Variants in RBM28 observed in about 807,000 individuals in gnomAD.
The protein encoded by RBM28 is RNA binding motif protein 28, also known as RNA-binding protein 28.
Under a neutral mutation model 98.3 loss-of-function variants are expected in RBM28, and 78 were observed. That is an observed-to-expected ratio of 0.79 (90% confidence interval 0.66 to 0.96). The LOEUF (loss-of-function observed/expected upper bound fraction) is 0.96, where lower values mean the gene tolerates loss of function less well. RBM28 is among the 40% of genes least tolerant of loss of function. The pLI is 0.00. For synonymous variants in RBM28, 306 were observed against 330.9 expected, an observed-to-expected ratio of 0.92 and a Z score of 0.82; for missense variants, 838 against 913.0, an observed-to-expected ratio of 0.92 and a Z score of 1.06.
At position 128,306,019 on chromosome 7, in the gene RBM28, A is replaced by G. The variant is rs6952533; in HGVS notation, c.*4778T>C. ...CTAAGCATTGCCATGTACCAGGCCC[A>G]GGGGCTGGGACTATGGGAGCTAGTT... On this transcript the variant is annotated 3_prime_UTR_variant, in exon 19 of 19. Transcript: ENST00000223073. The G allele has an allele frequency of 0.11, 17,010 of 152,272 alleles. 1,523 individuals are homozygous for G. The highest frequency in any genetic ancestry group is 0.24 in the African/African-American group (10,128 of 41,530). The allele number at this position is 152,272 out of a possible 1,614,324, so 9.4% of individuals were successfully genotyped here. A position where few individuals can be genotyped will look rare whatever the true frequency, so the allele number is the denominator to read the frequency against.
In RBM28 at chr7:128,333,319, A is replaced by G. The variant is rs1335677720; in HGVS notation, c.990T>C (p.Asp330=). ...TAAAAACAGTTTTCCCTTCATTCAC[A>G]TCAGAGGGTAATTTCCTCTTCTTTT... ...SNKKKRKLPS[D]VNEGKTVFIR... The change falls in exon 9 of 19, where the codon GAT becomes GAC. Residue 330 remains aspartate, a synonymous_variant. Transcript: ENST00000223073. 5.0e-6 allele frequency: 8 copies of G among 1,606,588 alleles called. No homozygotes were observed. The Admixed American group carries it at 1.3e-4, about 27-fold the overall frequency.
rs1301315099 is a variant in RBM28 at position 128,300,121 on chromosome 7, T to A, written c.*10676A>T. The A allele has an allele frequency of 1.3e-5, 2 of 152,266 alleles. No individual in the cohort carries two copies. The highest frequency in any genetic ancestry group is 2.4e-5 in the African/African-American group (1 of 41,464). 9.4% of individuals were successfully genotyped at this position (152,266 alleles called of 1,614,324 possible). ...ATATAGGCCCTTTCTCAACTTTCCC[T>A]AGAAGCCCAGGTTTCCTTGCTACAA... On this transcript the variant is annotated 3_prime_UTR_variant, in exon 19 of 19. Transcript: ENST00000223073.
At chr7:128,326,628 T>C (rs968225561) in intron 10 of RBM28, among the ~76,000 whole-genome samples, 2 of 152,184 alleles carry the variant, frequency 1.3e-5, no homozygotes, top group South Asian at 2.1e-4. Flanking sequence ...AAGTACACTA[T>C]GACATTCACA....
At chr7:128,320,344 G>A (rs1290212283) in intron 14 of RBM28, among the ~76,000 whole-genome samples, 6 of 141,502 alleles carry the variant, frequency 4.2e-5, no homozygotes, top group Middle Eastern at 3.5e-3. Context: ...GGGGGGTGGC[G>A]GTTTGCAGTG....
rs772409600 is a variant in RBM28, at chr7:128,321,388, T to G, written c.1441A>C (p.Asn481His). ...LLKHQKLKDQ[N>H]IFVSRTRLCL... ...AGCCTGGTTCGGGAGACAAAGATAT[T>G]CTGGTCCTTGAGTTTCTGATGCTTC... The change falls in exon 14 of 19, where the codon AAT becomes CAT. Residue 481 changes from asparagine (N) to histidine (H), a missense_variant. By Grantham distance (68) the Asn-to-His change is moderately conservative (BLOSUM62 1). Coordinates refer to ENST00000223073, the MANE Select transcript of RBM28 (RefSeq NM_018077.3). 6.2e-7 allele frequency: 1 copy of G among 1,614,206 alleles called. No homozygotes were observed. The highest frequency in any genetic ancestry group is 1.7e-5 in the Admixed American group (1 of 60,026).
chr7:128,335,722 G>A, intron 7 of RBM28, 43 bp from the exon 8 acceptor site: 1 of 1,613,934 alleles, frequency 6.2e-7, no homozygotes, highest in Non-Finnish European at 8.5e-7. Flanking sequence ...GGCTGACAGA[G>A]GGCCTATTCA....
At position 128,338,768 on chromosome 7, in the gene RBM28, G is replaced by T; in HGVS notation, c.406C>A (p.Gln136Lys). The change falls in exon 4 of 19, where the codon CAA becomes AAA. Residue 136 changes from glutamine to lysine, a missense_variant. Physicochemically the swap from Gln to Lys is moderately conservative, Grantham distance 53. Coordinates refer to ENST00000223073, the MANE Select transcript of RBM28 (RefSeq NM_018077.3). ...TTTACTTCCAGGACAGCTCCAAATT[G>T]AGCAAATACTGTCTTCAAGTCATCT... is the stretch of plus-strand genomic sequence containing the variant. The part of the protein sequence containing the change: ...SEDDLKTVFA[Q>K]FGAVLEVNIP... 1.2e-6 allele frequency: 2 copies of T among 1,611,772 alleles called. No homozygotes were observed. Among genetic ancestry groups the T allele is most frequent in the South Asian group, 2.2e-5 (2 of 91,000 alleles).
chr7:128,338,225 A>C, intron 5 of RBM28, 25 bp downstream of exon 5: 1 of 1,552,402 alleles, frequency 6.4e-7, no homozygotes, highest in African/African-American at 1.4e-5. Flanking sequence ...TATCTGGGTC[A>C]ATGATATGGG....
At chr7:128,311,960 T>A (rs545770462) in intron 18 of RBM28, among the ~76,000 whole-genome samples, 1 of 152,316 alleles carries the variant, frequency 6.6e-6, no homozygotes, top group African/African-American at 2.4e-5. Flanking sequence ...CTAAGGCCAT[T>A]ACATGAAAGG....
Position 128,337,598 on chromosome 7 carries a change from G to C in RBM28, c.542-396C>G, listed in dbSNP as rs112419228. ...TTTTGAGACACAGTCTCGCTCTGTC[G>C]CCCAGGCTGGAGTGCAGTGGTGCCA... On this transcript the variant is annotated intron_variant, in intron 5 of 18. Transcript: ENST00000223073. Among the ~76,000 whole-genome samples, 871 of 135,768 alleles carry C rather than the reference G, an allele frequency of 6.4e-3. 8 individuals are homozygous for C. The highest frequency in any genetic ancestry group is 0.023 in the African/African-American group (838 of 36,384). 89.1% of individuals were successfully genotyped at this position (135,768 alleles called of 152,430 possible).
chr7:128,318,158 C>T (rs1228269086), intron 14 of RBM28, 52 bp from the exon 15 acceptor site: 14 of 1,514,534 alleles, frequency 9.2e-6, no homozygotes, highest in Non-Finnish European at 1.3e-5. Flanking sequence ...GAAGACTTGC[C>T]TGACATGAAC....
chr7:128,335,438 CT>C (rs1397481486), intron 8 of RBM28, 104 bp downstream of exon 8: 9 of 1,372,304 alleles, frequency 6.6e-6, no homozygotes, highest in Non-Finnish European at 8.2e-6. Flanking sequence ...GATAGAACAC[CT>C]TAGAGTCCTA....
rs927486313 is a variant in RBM28, at chr7:128,301,701, C to T, written c.*9096G>A. ...AACCCCAGAGGCTCTGTGGCAGGCACCTGGGAGCCCACTTGGCGGGCCTTG... is the reference window on the plus strand; with the variant it reads ...AACCCCAGAGGCTCTGTGGCAGGCATCTGGGAGCCCACTTGGCGGGCCTTG... On this transcript the variant is annotated 3_prime_UTR_variant, in exon 19 of 19. Transcript: ENST00000223073. The T allele has an allele frequency of 6.6e-6, 1 of 152,458 alleles. No individual in the cohort carries two copies. Among genetic ancestry groups the T allele is most frequent in the African/African-American group, 2.4e-5 (1 of 41,462 alleles). The allele number at this position is 152,458 out of a possible 1,614,324, so 9.4% of individuals were successfully genotyped here.
At chr7:128,333,204 AC>A in intron 9 of RBM28, 85 bp downstream of exon 9, 1 of 1,078,888 alleles carries the variant, frequency 9.3e-7, no homozygotes, top group East Asian at 2.4e-5. Context: ...GGGCTAGGTA[AC>A]AGAACTAGTG....
chr7:128,312,316 C>A (rs1375509610), intron 18 of RBM28, among the ~76,000 whole-genome samples: 2 of 152,130 alleles, frequency 1.3e-5, no homozygotes, highest in Non-Finnish European at 2.9e-5. Flanking sequence ...ACTCGGGAGG[C>A]TACTCCTGGA....
chr7:128,333,798 T>C (rs984767157), intron 8 of RBM28, among the ~76,000 whole-genome samples: 22 of 152,086 alleles, frequency 1.4e-4, no homozygotes, highest in Non-Finnish European at 1.8e-4. Context: ...TCACTCTTAA[T>C]TAAAGAAAAC....
Position 128,325,906 on chromosome 7 carries a change from A to G in RBM28, c.1130-15T>C, listed in dbSNP as rs190068061. The stretch of plus-strand genomic sequence containing the variant: ...AAATGCACAACCTGCACAAGGAGAC[A>G]CAATTCAGTGAGATCCCAAACTCCC... On this transcript the variant is annotated splice_polypyrimidine_tract_variant and intron_variant, in intron 10 of 18. Transcript: ENST00000223073. 8 of 1,608,872 alleles carry G rather than the reference A, an allele frequency of 5.0e-6. No homozygotes were observed. The highest frequency in any genetic ancestry group is 1.7e-5 in the Admixed American group (1 of 60,020).
At chr7:128,337,245 A>C (rs1406824013) in intron 5 of RBM28, 43 bp from the exon 6 acceptor site, 1 of 1,597,554 alleles carries the variant, frequency 6.3e-7, no homozygotes, top group Non-Finnish European at 8.6e-7. Flanking sequence ...CTCCTTTTAA[A>C]AACCCTACCT....
In RBM28 at chr7:128,297,945, C is replaced by T. The variant is rs1280870603; in HGVS notation, c.*12852G>A. ...AGGTGGGAATTGAACAATGAGAACACATGGACACAGGAAGGGGAACATCAC... is the reference window on the plus strand; with the variant it reads ...AGGTGGGAATTGAACAATGAGAACATATGGACACAGGAAGGGGAACATCAC... On this transcript the variant is annotated 3_prime_UTR_variant, in exon 19 of 19. Transcript: ENST00000223073. 1 of 133,084 alleles carries T rather than the reference C, an allele frequency of 7.5e-6. No individual in the cohort carries two copies. Among genetic ancestry groups the T allele is most frequent in the Admixed American group, 8.7e-5 (1 of 11,454 alleles). 8.2% of individuals were successfully genotyped at this position (133,084 alleles called of 1,614,324 possible). A position where few individuals can be genotyped will look rare whatever the true frequency, so the allele number is the denominator to read the frequency against.
Sources: gnomAD v4.1 joint callset for allele counts (sites outside exome capture counted in the v4.1 genomes callset) on GRCh38, gnomAD v4.1.1 for gene constraint, MANE v1.5 for transcripts, NCBI Gene and HGNC (gene_info 2026-07-23, HGNC 2026-07-21) for gene names.